PTGFRN: variants seen among roughly 807,000 people sequenced by gnomAD.
The protein encoded by PTGFRN is prostaglandin F2 receptor negative regulator.
PTGFRN carries 35 observed loss-of-function variants against 83.2 expected under a neutral mutation model. The observed-to-expected ratio is 0.42, with a 90% CI of 0.32 to 0.56. The LOEUF (loss-of-function observed/expected upper bound fraction) is 0.56, where lower values mean the gene tolerates loss of function less well. Ranked by LOEUF, PTGFRN falls within the 20% of genes least tolerant of loss-of-function variation. The pLI is 0.11. For synonymous variants in PTGFRN, 519 were observed against 498.6 expected (o/e 1.04, Z -0.55); for missense variants, 1,051 against 1,179.5 (o/e 0.89, Z 1.60).
At chr1:116,935,724 G>A (rs1649903894) in intron 1 of PTGFRN, among the ~76,000 whole-genome samples, 2 of 152,114 alleles carry the variant, frequency 1.3e-5, no homozygotes, top group African/African-American at 2.4e-5. Flanking sequence ...TGAGGCTGTG[G>A]TAACTGCCCC....
intron 1 of PTGFRN, among the ~76,000 whole-genome samples, chr1:116,924,468 G>A (rs1557958647): frequency 6.6e-6 from 1 of 152,182 alleles, no homozygotes; most frequent in East Asian, 1.9e-4. Flanking sequence ...AAAGGCATTA[G>A]TGCCATGTCT....
chr1:116,976,290 A>G (rs1386993289), intron 7 of PTGFRN, among the ~76,000 whole-genome samples: 5 of 152,216 alleles, frequency 3.3e-5, no homozygotes, highest in African/African-American at 1.2e-4. Flanking sequence ...CCAAGTTGGA[A>G]AACACTCTGC....
chr1:116,987,977 G>A lies in PTGFRN; in HGVS notation c.*1010G>A, dbSNP rs1006130589. The A allele has an allele frequency of 6.6e-6, 1 of 152,200 alleles. No homozygotes were observed. The highest frequency in any genetic ancestry group is 1.5e-5 in the Non-Finnish European group (1 of 68,062). The allele number at this position is 152,200 out of a possible 1,614,324, so 9.4% of individuals were successfully genotyped here. ...TATTCCTCTCTCTTGCCCATTGTGG[G>A]GGGCAAAGGCATTGGTCACCAAGAG... On this transcript the variant is annotated 3_prime_UTR_variant, in exon 9 of 9. Coordinates refer to ENST00000393203, the MANE Select transcript of PTGFRN (RefSeq NM_020440.4).
chr1:116,916,038 T>C (rs1649396409), intron 1 of PTGFRN, among the ~76,000 whole-genome samples: 1 of 152,216 alleles, frequency 6.6e-6, no homozygotes, highest in South Asian at 2.1e-4. Context: ...CACTGTCGTG[T>C]CCCAGCAATA....
At chr1:116,934,750 A>G (rs933284065) in intron 1 of PTGFRN, among the ~76,000 whole-genome samples, 1 of 152,190 alleles carries the variant, frequency 6.6e-6, no homozygotes, top group African/African-American at 2.4e-5. Flanking sequence ...TTAATTGAAC[A>G]CTGAAAAATT....
chr1:116,968,503 C>T (rs1453235198), intron 6 of PTGFRN, among the ~76,000 whole-genome samples: 1 of 151,910 alleles, frequency 6.6e-6, no homozygotes, highest in East Asian at 1.9e-4. Flanking sequence ...AAAGCATAGG[C>T]CTCCTTTATT....
At chr1:116,977,359 G>T (rs1198683263) in intron 7 of PTGFRN, among the ~76,000 whole-genome samples, 2 of 152,184 alleles carry the variant, frequency 1.3e-5, no homozygotes, top group Non-Finnish European at 2.9e-5. Context: ...ACTCAGCTCT[G>T]CACCAAGTGG....
intron 4 of PTGFRN, among the ~76,000 whole-genome samples, chr1:116,954,014 C>T (rs903104550): frequency 8.0e-4 from 121 of 151,896 alleles, no homozygotes; most frequent in African/African-American, 2.5e-3. Flanking sequence ...CCACCATGCC[C>T]GGCTAATTTT....
At chr1:116,971,984 T>A (rs1651011276) in intron 6 of PTGFRN, among the ~76,000 whole-genome samples, 1 of 152,124 alleles carries the variant, frequency 6.6e-6, no homozygotes, top group Non-Finnish European at 1.5e-5. Flanking sequence ...ATTTCTAATC[T>A]GAGAAAAATG....
At chr1:116,963,980 G>C (rs1016698482) in intron 5 of PTGFRN, among the ~76,000 whole-genome samples, 4 of 151,732 alleles carry the variant, frequency 2.6e-5, no homozygotes, top group African/African-American at 9.7e-5. Flanking sequence ...GGGTCTCACT[G>C]TGTTGTCCAG....
At chr1:116,931,588 C>T (rs2491112) in intron 1 of PTGFRN, among the ~76,000 whole-genome samples, 22,044 of 150,976 alleles carry the variant, frequency 0.15, 2,788 homozygotes, top group African/African-American at 0.34. Context: ...TATGTGACTT[C>T]ATTACACATT....
Position 116,914,505 on chromosome 1 carries a change from C to G in PTGFRN, c.49+4253C>G, listed in dbSNP as rs183897888. Among the ~76,000 whole-genome samples the G allele has an allele frequency of 2.4e-3, 371 of 152,324 alleles. 3 individuals are homozygous for G. The highest frequency in any genetic ancestry group is 0.016 in the Admixed American group (247 of 15,306). ...TCAGCTCATGCCTGCAATCCCAGCA[C>G]TTTGGGAGGCCAAGGTGGGAGGATT... On this transcript the variant is annotated intron_variant, in intron 1 of 8. Coordinates refer to ENST00000393203, the MANE Select transcript of PTGFRN (RefSeq NM_020440.4).
intron 4 of PTGFRN, among the ~76,000 whole-genome samples, chr1:116,951,896 A>G (rs1360787147): frequency 6.6e-6 from 1 of 152,230 alleles, no homozygotes; most frequent in Admixed American, 6.5e-5. Flanking sequence ...CATACCACAT[A>G]CAACTTGGGA....
intron 4 of PTGFRN, among the ~76,000 whole-genome samples, chr1:116,950,347 A>T (rs1650311048): frequency 6.6e-6 from 1 of 152,148 alleles, no homozygotes; most frequent in Non-Finnish European, 1.5e-5. Context: ...CAAAGGAGGG[A>T]TGGGGTCAAG....
intron 1 of PTGFRN, among the ~76,000 whole-genome samples, chr1:116,934,768 C>G (rs573690914): frequency 3.6e-4 from 55 of 152,204 alleles, no homozygotes; most frequent in African/African-American, 1.3e-3. Context: ...ATTGTAGTGG[C>G]TTTGTATGAT....
intron 1 of PTGFRN, among the ~76,000 whole-genome samples, chr1:116,940,943 G>A (rs1650043575): frequency 6.6e-6 from 1 of 152,170 alleles, no homozygotes; most frequent in Admixed American, 6.5e-5. Flanking sequence ...CTACCAGAGA[G>A]GGCTGGGAAT....
rs1231086395 is a variant in PTGFRN at position 116,944,834 on chromosome 1, G to C, written c.574G>C (p.Ala192Pro). The C allele has an allele frequency of 1.9e-6, 3 of 1,585,386 alleles. No individual in the cohort carries two copies. Among genetic ancestry groups the C allele is most frequent in the Admixed American group, 1.8e-5 (1 of 56,824 alleles). Residue 192 changes from alanine (A) to proline (P), a missense_variant, in exon 3 of 9, where the codon GCC becomes CCC. By Grantham distance (27) the Ala-to-Pro change is conservative. Transcript: ENST00000393203. ...GCTGTGGGAGGTGCACCGCGGCCCG[G>C]CCAGGCGGAGCGTCCTCGCCCTGAC... ...ALLWEVHRGP[A>P]RRSVLALTHE...
chr1:116,975,573 G>A (rs1651122619), intron 7 of PTGFRN, among the ~76,000 whole-genome samples: 2 of 152,166 alleles, frequency 1.3e-5, no homozygotes, highest in South Asian at 2.1e-4. Context: ...AGCAATATTC[G>A]CTGTTCTACA....
In PTGFRN at chr1:116,941,366, A is replaced by T. The variant is rs1324351045; in HGVS notation, c.50-349A>T. Among the ~76,000 whole-genome samples, 2 of 152,138 alleles carry T rather than the reference A, an allele frequency of 1.3e-5. No homozygotes were observed. Among genetic ancestry groups the T allele is most frequent in the African/African-American group, 4.8e-5 (2 of 41,424 alleles). On this transcript the variant is annotated intron_variant, in intron 1 of 8. Coordinates refer to ENST00000393203, the MANE Select transcript of PTGFRN (RefSeq NM_020440.4). The surrounding 1 kb of genome is among the most constrained non-coding windows in gnomAD (Gnocchi z 5.0). The stretch of plus-strand genomic sequence containing the variant: ...TTGACTGGCTGTGCCCTTTTATTTC[A>T]CACAAAACCTAAAATATTTTTACAT...
Sources: gnomAD v4.1 joint callset for allele counts (sites outside exome capture counted in the v4.1 genomes callset) on GRCh38, gnomAD v4.1.1 for gene constraint, Gnocchi (gnomAD v3.1) non-coding constraint, MANE v1.5 for transcripts, NCBI Gene and HGNC (gene_info 2026-07-23, HGNC 2026-07-21) for gene names.